Variants in GSE1 observed in about 807,000 individuals in gnomAD.
GSE1 encodes the protein Gse1 coiled-coil protein, also known as genetic suppressor element 1.
Under a neutral mutation model 112.6 loss-of-function variants are expected in GSE1, and 32 were observed. The observed-to-expected ratio is 0.28, with a 90% confidence interval of 0.21 to 0.38. The LOEUF is 0.38. GSE1 is among the 10% of genes least tolerant of loss of function. The pLI, the probability that GSE1 is intolerant of heterozygous loss-of-function variation, is 1.00. For missense variants in GSE1, 2,348 were observed against 1,699.2 expected (o/e 1.38, Z -6.71); for synonymous variants, 1,115 against 735.6 (o/e 1.52, Z -8.35).
chr16:85,545,838 A>G (rs2044676086), intron 2 of GSE1, among the ~76,000 whole-genome samples: 1 of 152,196 alleles, frequency 6.6e-6, no homozygotes, highest in Non-Finnish European at 1.5e-5. Flanking sequence ...GCTGGAGTAC[A>G]GTGGCGTGAT....
rs1216270187 is a variant in GSE1 at position 85,673,604 on chromosome 16, G to A, written c.*1065G>A. The A allele has an allele frequency of 2.0e-5, 3 of 152,148 alleles. No homozygotes were observed. The highest frequency in any genetic ancestry group is 2.1e-4 in the South Asian group (1 of 4,832). The allele number at this position is 152,148 out of a possible 1,614,324, so 9.4% of individuals were successfully genotyped here. A position where few individuals can be genotyped will look rare whatever the true frequency, so the allele number is the denominator to read the frequency against. On this transcript the variant is annotated 3_prime_UTR_variant, in exon 16 of 16. Coordinates refer to ENST00000253458, the MANE Select transcript of GSE1 (RefSeq NM_014615.5). ...AAGAGCTTACCACTGGCGCCTATGC[G>A]ATCACTTCATTTTTAGTTTGAGTTG... is the stretch of plus-strand genomic sequence containing the variant.
chr16:85,659,114 C>G (rs533790123), intron 8 of GSE1, among the ~76,000 whole-genome samples: 1 of 152,366 alleles, frequency 6.6e-6, no homozygotes, highest in African/African-American at 2.4e-5. Context: ...GACACAGCTT[C>G]TTCCTGTGGT....
intron 2 of GSE1, among the ~76,000 whole-genome samples, chr16:85,531,594 A>G (rs1021294452): frequency 6.6e-6 from 1 of 152,220 alleles, no homozygotes; most frequent in Admixed American, 6.5e-5. Flanking sequence ...GTTCTGGAAC[A>G]GTGGCTTCTG....
At chr16:85,608,497 G>C (rs893341418), upstream of GSE1, among the ~76,000 whole-genome samples, 1 of 151,948 alleles carries the variant, frequency 6.6e-6, no homozygotes, top group Admixed American at 6.6e-5. Context: ...CCAGAGGTAA[G>C]AGCGTAGACC....
At chr16:85,494,197 G>A (rs2051098699) in intron 2 of GSE1, among the ~76,000 whole-genome samples, 1 of 152,248 alleles carries the variant, frequency 6.6e-6, no homozygotes, top group Admixed American at 6.5e-5. Context: ...CTGAAGTCAA[G>A]GCATCAGCAG....
chr16:85,403,249 C>G (rs1212942039), intron 2 of GSE1, among the ~76,000 whole-genome samples: 2 of 152,192 alleles, frequency 1.3e-5, no homozygotes, highest in Admixed American at 6.5e-5. Context: ...ATGGCAACCA[C>G]AGTCTGTAAC....
At chr16:85,561,347 G>C (rs1191361219) in intron 1 of GSE1, among the ~76,000 whole-genome samples, 2 of 152,200 alleles carry the variant, frequency 1.3e-5, no homozygotes. Flanking sequence ...TGGCTCCAGA[G>C]TCCCTGCTTC....
At chr16:85,250,448 G>C (rs1906345583) in intron 1 of GSE1, among the ~76,000 whole-genome samples, 1 of 152,112 alleles carries the variant, frequency 6.6e-6, no homozygotes, top group African/African-American at 2.4e-5. Context: ...AGCCCAGCTG[G>C]GGGCGGAGGC....
At chr16:85,556,630 C>T (rs2045229527) in intron 1 of GSE1, among the ~76,000 whole-genome samples, 1 of 150,808 alleles carries the variant, frequency 6.6e-6, no homozygotes, top group Non-Finnish European at 1.5e-5. Flanking sequence ...CTTTTGTCTG[C>T]CGGGAGCCGG....
At chr16:85,507,441 C>T (rs141989539) in intron 2 of GSE1, among the ~76,000 whole-genome samples, 62 of 152,312 alleles carry the variant, frequency 4.1e-4, no homozygotes, top group East Asian at 3.3e-3. Context: ...CATTTGGGAC[C>T]GCAGGGTTAC....
intron 1 of GSE1, among the ~76,000 whole-genome samples, chr16:85,631,015 G>A (rs974184632): frequency 2.0e-5 from 3 of 152,146 alleles, no homozygotes; most frequent in African/African-American, 7.2e-5. Context: ...TCCCCTGGGG[G>A]GGTGGTCTTT....
intron 7 of GSE1, among the ~76,000 whole-genome samples, chr16:85,657,044 C>T (rs759944480): frequency 6.6e-5 from 10 of 152,230 alleles, no homozygotes; most frequent in South Asian, 4.1e-4. Context: ...GCTCTGGCAC[C>T]GCACTGGCTG....
intron 1 of GSE1, among the ~76,000 whole-genome samples, chr16:85,229,593 A>T (rs2075547338): frequency 6.6e-6 from 1 of 152,218 alleles, no homozygotes; most frequent in Non-Finnish European, 1.5e-5. Context: ...AGGTTCCGAA[A>T]CTTGCCTGAG....
intron 2 of GSE1, among the ~76,000 whole-genome samples, chr16:85,635,935 G>C (rs1486247475): frequency 7.0e-6 from 1 of 143,560 alleles, no homozygotes; most frequent in Admixed American, 6.9e-5. Flanking sequence ...GTCACAGCAG[G>C]AGCCTGCTCA....
chr16:85,535,383 G>C (rs2044290394), intron 2 of GSE1, among the ~76,000 whole-genome samples: 2 of 151,420 alleles, frequency 1.3e-5, no homozygotes, highest in Non-Finnish European at 2.9e-5. Context: ...TCCCAGATGG[G>C]AAACCCTGGC....
intron 1 of GSE1, among the ~76,000 whole-genome samples, chr16:85,581,402 C>T (rs576008716): frequency 1.7e-4 from 26 of 152,304 alleles, no homozygotes; most frequent in Admixed American, 7.8e-4. Context: ...TGCAGGGCTC[C>T]GGCCTGGGTG....
chr16:85,512,653 A>G (rs2051787193), intron 2 of GSE1, among the ~76,000 whole-genome samples: 1 of 152,070 alleles, frequency 6.6e-6, no homozygotes, highest in South Asian at 2.1e-4. Flanking sequence ...ATAAACATCA[A>G]TTACAGGCAC....
At chr16:85,352,056 C>T (rs1023967821) in intron 1 of GSE1, among the ~76,000 whole-genome samples, 11 of 152,228 alleles carry the variant, frequency 7.2e-5, no homozygotes, top group Middle Eastern at 3.4e-3. Context: ...ATCTCATGGA[C>T]TAATAAAATT....
At chr16:85,194,152 G>T (rs1057492501) in intron 1 of GSE1, among the ~76,000 whole-genome samples, 3 of 152,196 alleles carry the variant, frequency 2.0e-5, no homozygotes, top group African/African-American at 7.2e-5. Context: ...AATCCGTTCA[G>T]GAGAATGGTC....
Sources: allele counts gnomAD v4.1 joint callset (sites outside exome capture counted in the v4.1 genomes callset), GRCh38; gene constraint gnomAD v4.1.1; transcripts MANE v1.5; gene names NCBI Gene and HGNC (gene_info 2026-07-23, HGNC 2026-07-21).